SYT7: variants seen among roughly 807,000 people sequenced by gnomAD.
SYT7 encodes the protein synaptotagmin-7.
A neutral mutation model predicts 75.1 loss-of-function variants in SYT7; 29 were observed. The observed-to-expected ratio is 0.39, with a 90% CI of 0.29 to 0.53. The LOEUF (loss-of-function observed/expected upper bound fraction) is 0.53. SYT7 is among the 20% of genes least tolerant of loss of function. SYT7 has a pLI of 0.77. For synonymous variants in SYT7, 376 were observed against 401.7 expected, an observed-to-expected ratio of 0.94 and a Z score of 0.76; for missense variants, 693 against 953.2, an observed-to-expected ratio of 0.73 and a Z score of 3.59.
At chr11:61,538,346 G>GGAGAGGGAGGGA (rs1555006884) in intron 6 of SYT7, 80 bp from the exon 7 acceptor site, 6 of 190,140 alleles carry the variant, frequency 3.2e-5, no homozygotes, top group African/African-American at 2.5e-4. Flanking sequence ...GGAGAGAGAG[G>GGAGAGGGAGGGA]GAGAGAGAGA....
At chr11:61,520,120 G>A (rs2062271729) in intron 12 of SYT7, among the ~76,000 whole-genome samples, 1 of 129,858 alleles carries the variant, frequency 7.7e-6, no homozygotes. Context: ...TCACACTCCT[G>A]ACCTCGTGAT....
At chr11:61,585,004 G>C (rs1325822923), upstream of SYT7, among the ~76,000 whole-genome samples, 1 of 152,240 alleles carries the variant, frequency 6.6e-6, no homozygotes, top group East Asian at 1.9e-4. Flanking sequence ...CCTGCTGTGT[G>C]CTGCAGACCC....
chr11:61,586,250 C>G, the SYT7 span, among the ~76,000 whole-genome samples: 2 of 152,200 alleles, frequency 1.3e-5, no homozygotes, highest in Non-Finnish European at 1.5e-5. Flanking sequence ...CCCTCACCAC[C>G]CTTAAAAGAT....
At chr11:61,568,600 G>A (rs1014574636) in intron 1 of SYT7, among the ~76,000 whole-genome samples, 2 of 152,162 alleles carry the variant, frequency 1.3e-5, no homozygotes, top group African/African-American at 4.8e-5. Context: ...GTGCTGAGAC[G>A]GGCATGGGAG....
At chr11:61,556,028 TTGTGTG>T in intron 2 of SYT7, 70 bp downstream of exon 2, 2 of 1,276,406 alleles carry the variant, frequency 1.6e-6, no homozygotes, top group Non-Finnish European at 2.2e-6. Context: ...AAGCCTGTAA[TTGTGTG>T]TGTGTGTGGG....
chr11:61,536,139 G>A (rs1348245118), intron 7 of SYT7, among the ~76,000 whole-genome samples: 3 of 152,098 alleles, frequency 2.0e-5, no homozygotes, highest in Non-Finnish European at 2.9e-5. Context: ...ATGACGAGGT[G>A]GGAATGGCAC....
chr11:61,539,644 G>A (rs2062984514), intron 6 of SYT7: 1 of 152,216 alleles, frequency 6.6e-6, no homozygotes, highest in Non-Finnish European at 1.5e-5. Context: ...GAAGGGAGGC[G>A]AGGTTTACAG....
At chr11:61,533,419 G>C in intron 7 of SYT7, 1 of 985,402 alleles carries the variant, frequency 1.0e-6, no homozygotes, top group Non-Finnish European at 1.2e-6. Context: ...CCACCCTCCA[G>C]TCATTGGCTT....
intron 2 of SYT7, among the ~76,000 whole-genome samples, chr11:61,555,073 A>T (rs2063456818): frequency 6.6e-6 from 1 of 152,152 alleles, no homozygotes; most frequent in Admixed American, 6.5e-5. Flanking sequence ...CCTCCAGAGG[A>T]GTGGGGCATG....
intron 2 of SYT7, among the ~76,000 whole-genome samples, chr11:61,555,712 T>C (rs1424185094): frequency 6.6e-6 from 1 of 150,588 alleles, no homozygotes; most frequent in African/African-American, 2.5e-5. Flanking sequence ...GTGCTTAGAG[T>C]GGGGGCTCTA....
Position 61,547,504 on chromosome 11 carries a change from G to A in SYT7, c.216-196C>T, listed in dbSNP as rs183155123. 5.3e-5 allele frequency among the ~76,000 whole-genome samples: 8 copies of A among 152,248 alleles called. No individual in the cohort carries two copies. The East Asian group carries it at 7.8e-4, about 15-fold the overall frequency. On this transcript the variant is annotated intron_variant, in intron 3 of 12. Transcript: ENST00000539008. ...GTGCCTGGCACACGCACGCATACAC[G>A]CACACGCACACATGTGCAAACATAC...
At chr11:61,577,317 C>G (rs1451831941) in intron 1 of SYT7, among the ~76,000 whole-genome samples, 5 of 152,252 alleles carry the variant, frequency 3.3e-5, no homozygotes, top group Admixed American at 3.3e-4. Context: ...AGTCCGGACT[C>G]TAACTCAAGC....
rs1565180504 is a variant in SYT7 at position 61,538,399 on chromosome 11, G to GAGAGAGAGAGAC, written c.942-134_942-133insGTCTCTCTCTCT. 4.0e-6 allele frequency: 3 copies of GAGAGAGAGAGAC among 759,376 alleles called. No homozygotes were observed. The African/African-American group carries it at 5.3e-5, about 13-fold the overall frequency. The allele number at this position is 759,376 out of a possible 1,614,324, so 47.0% of individuals were successfully genotyped here. A position where few individuals can be genotyped will look rare whatever the true frequency, so the allele number is the denominator to read the frequency against. ...AGAGAGAGAGAGAGAAAGAGAGAGAGAGAGACAGAGACAAAGAGAGAGAAG... is the reference window on the plus strand; with the variant it reads ...AGAGAGAGAGAGAGAAAGAGAGAGAGAGAGAGAGAGACAGAGACAGAGACAAAGAGAGAGAAG... On this transcript the variant is annotated intron_variant, in intron 6 of 12. Transcript: ENST00000539008.
At chr11:61,584,857 T>A (rs1424601973), upstream of SYT7, among the ~76,000 whole-genome samples, 1 of 152,372 alleles carries the variant, frequency 6.6e-6, no homozygotes, top group East Asian at 1.9e-4. Context: ...CCTCTGGGCA[T>A]TCAGCTTCTC....
At chr11:61,554,910 A>T (rs2063453010) in intron 2 of SYT7, among the ~76,000 whole-genome samples, 1 of 152,206 alleles carries the variant, frequency 6.6e-6, no homozygotes, top group Non-Finnish European at 1.5e-5. Context: ...GAGCTGCCTG[A>T]AGTTCAACAC....
At chr11:61,584,941 G>T (rs1416180042), upstream of SYT7, among the ~76,000 whole-genome samples, 1 of 152,234 alleles carries the variant, frequency 6.6e-6, no homozygotes, top group Admixed American at 6.5e-5. Flanking sequence ...CCCTGTCCTG[G>T]GTTCCATGAC....
chr11:61,538,336 GGAGAGAGAGGGAGA>G lies in SYT7; in HGVS notation c.942-84_942-71del, dbSNP rs1250793014. Reference sequence around the variant, plus strand: ...CCCCGTGGGCGGGGGCAGGGGGGAAGGAGAGAGAGGGAGAGAGAGAGAGAGAGAGAGAGAGAGAG... The same window carrying G: ...CCCCGTGGGCGGGGGCAGGGGGGAAGGAGAGAGAGAGAGAGAGAGAGAGAG... On this transcript the variant is annotated intron_variant, in intron 6 of 12. Coordinates refer to ENST00000539008, the MANE Select transcript of SYT7 (RefSeq NM_001365809.2). 6 of 506,824 alleles carry G rather than the reference GGAGAGAGAGGGAGA, an allele frequency of 1.2e-5. No homozygotes were observed. In the African/African-American group the frequency reaches 1.3e-4, roughly 11 times the overall value. 31.4% of individuals were successfully genotyped at this position (506,824 alleles called of 1,614,324 possible). A position where few individuals can be genotyped will look rare whatever the true frequency, so the allele number is the denominator to read the frequency against.
At chr11:61,556,303 C>G in intron 1 of SYT7, 96 bp from the exon 2 acceptor site, 1 of 966,886 alleles carries the variant, frequency 1.0e-6, no homozygotes, top group East Asian at 2.7e-5. Context: ...TACCCTCCAT[C>G]TGGCCCCTTC....
Position 61,576,198 on chromosome 11 carries a change from C to T in SYT7, c.31+4592G>A, listed in dbSNP as rs1590961607. On this transcript the variant is annotated intron_variant, in intron 1 of 12. Transcript: ENST00000539008. This position sits in a 1 kb window ranked among gnomAD's most constrained non-coding sequence, Gnocchi z 4.1. ...TGCTGGGTGAGACCAAAGCCCTGCC[C>T]TGCAGACACTAGTTGGACAGGGCCC... is the stretch of plus-strand genomic sequence containing the variant. 6.6e-6 allele frequency among the ~76,000 whole-genome samples: 1 copy of T among 152,244 alleles called. No homozygotes were observed. The highest frequency in any genetic ancestry group is 2.1e-4 in the South Asian group (1 of 4,830).
Sources: allele counts gnomAD v4.1 joint callset (sites outside exome capture counted in the v4.1 genomes callset), GRCh38; gene constraint gnomAD v4.1.1; non-coding constraint Gnocchi (gnomAD v3.1); transcripts MANE v1.5; gene names NCBI Gene and HGNC (gene_info 2026-07-23, HGNC 2026-07-21).